Variants in AP3B1 observed in about 807,000 individuals in gnomAD.
AP3B1 encodes AP-3 complex subunit beta-1.
Under a neutral mutation model 132.5 loss-of-function variants are expected in AP3B1, and 61 were observed. The ratio of observed to expected loss-of-function variants is 0.46; its 90% confidence interval spans 0.37 to 0.57. The LOEUF is 0.57. Among genes scored for constraint, AP3B1 ranks in the 20% least tolerant of loss-of-function variants. The pLI, the probability that AP3B1 is intolerant of heterozygous loss-of-function variation, is 0.00. For missense variants in AP3B1, 1,120 were observed against 1,289.4 expected, an observed-to-expected ratio of 0.87 and a Z score of 2.01; for synonymous variants, 388 against 438.3, an observed-to-expected ratio of 0.89 and a Z score of 1.43.
At chr5:78,154,007 T>C (rs1743027021) in intron 14 of AP3B1, among the ~76,000 whole-genome samples, 1 of 152,188 alleles carries the variant, frequency 6.6e-6, no homozygotes, top group Admixed American at 6.5e-5. Flanking sequence ...GTTACAATAT[T>C]CTGCTTTTCT....
At chr5:78,253,286 T>A (rs1747714925) in intron 2 of AP3B1, among the ~76,000 whole-genome samples, 1 of 152,202 alleles carries the variant, frequency 6.6e-6, no homozygotes, top group Non-Finnish European at 1.5e-5. Flanking sequence ...CAGTGAAGAC[T>A]ACAATAAATA....
At chr5:78,043,673 G>A in intron 22 of AP3B1, 6 of 451,274 alleles carry the variant, frequency 1.3e-5, no homozygotes, top group South Asian at 9.4e-5. Context: ...ACCCCCAGCA[G>A]AGACTCCCAG....
chr5:78,012,614 T>C (rs1037802145), intron 26 of AP3B1, among the ~76,000 whole-genome samples: 2 of 152,266 alleles, frequency 1.3e-5, no homozygotes, highest in Non-Finnish European at 2.9e-5. Context: ...CAGGCTATTC[T>C]TAAGTATCTA....
At chr5:78,197,710 T>C (rs377358665) in intron 7 of AP3B1, among the ~76,000 whole-genome samples, 1 of 152,066 alleles carries the variant, frequency 6.6e-6, no homozygotes, top group African/African-American at 2.4e-5. Context: ...TAAGGAATAA[T>C]AGAAAAATAA....
rs1471301912 is a variant in AP3B1 at position 78,039,230 on chromosome 5, A to C, written c.2622T>G (p.Leu874=). The C allele has an allele frequency of 3.1e-6, 5 of 1,614,198 alleles. No homozygotes were observed. Among genetic ancestry groups the C allele is most frequent in the Non-Finnish European group, 3.4e-6 (4 of 1,180,028 alleles). Residue 874 remains leucine, a synonymous_variant, in exon 23 of 27, where the codon CTT becomes CTG. Coordinates refer to ENST00000255194, the MANE Select transcript of AP3B1 (RefSeq NM_003664.5). ...AFVPTKTHVL[L]HRMSGKGLAA... ...CTAGTCCTTTTCCACTCATTCGATGAAGCAGCACGTGAGTTTTCGTTGGTA... is the reference window on the plus strand; with the variant it reads ...CTAGTCCTTTTCCACTCATTCGATGCAGCAGCACGTGAGTTTTCGTTGGTA...
chr5:78,161,711 T>C (rs570134603), intron 13 of AP3B1, among the ~76,000 whole-genome samples: 1 of 152,170 alleles, frequency 6.6e-6, no homozygotes, highest in East Asian at 1.9e-4. Flanking sequence ...GTTTTAATAC[T>C]ACATGTAGAA....
intron 2 of AP3B1, among the ~76,000 whole-genome samples, chr5:78,258,831 G>A (rs1296720806): frequency 6.6e-6 from 1 of 152,076 alleles, no homozygotes; most frequent in Non-Finnish European, 1.5e-5. Flanking sequence ...GAAAATGTGG[G>A]GCAAATACAC....
chr5:78,024,723 C>T (rs917054330), intron 24 of AP3B1, among the ~76,000 whole-genome samples: 3 of 151,878 alleles, frequency 2.0e-5, no homozygotes. Context: ...TGCCACATGC[C>T]GGGCTAATTT....
rs182093616 is a variant in AP3B1 at position 78,081,455 on chromosome 5, C to T, written c.2577+7938G>A. Among the ~76,000 whole-genome samples the T allele has an allele frequency of 4.3e-3, 654 of 151,964 alleles. 9 individuals carry two copies. Among genetic ancestry groups the T allele is most frequent in the African/African-American group, 0.015 (630 of 41,478 alleles). ...CCCGAGTAGCTGGGACTACAGGCGC[C>T]CGCCACTGCGCCCGGCTAATTTTTT... On this transcript the variant is annotated intron_variant, in intron 22 of 26. Transcript: ENST00000255194.
At chr5:78,077,516 G>C (rs1276286967) in intron 22 of AP3B1, among the ~76,000 whole-genome samples, 1 of 152,154 alleles carries the variant, frequency 6.6e-6, no homozygotes, top group African/African-American at 2.4e-5. Context: ...ACAAGTTAAG[G>C]AATCATTACT....
chr5:78,123,447 A>G (rs1357714358), intron 17 of AP3B1, among the ~76,000 whole-genome samples: 2 of 152,152 alleles, frequency 1.3e-5, no homozygotes, highest in Non-Finnish European at 2.9e-5. Flanking sequence ...CAACCTACTC[A>G]TCTGACAAAG....
intron 6 of AP3B1, among the ~76,000 whole-genome samples, chr5:78,216,662 G>A (rs1355653104): frequency 6.6e-6 from 1 of 152,056 alleles, no homozygotes; most frequent in African/African-American, 2.4e-5. Context: ...AAATGAGAAC[G>A]ACAATCATTC....
chr5:78,135,622 A>T (rs1335066327), intron 15 of AP3B1, among the ~76,000 whole-genome samples: 1 of 152,228 alleles, frequency 6.6e-6, no homozygotes, highest in Non-Finnish European at 1.5e-5. Context: ...ATATGTATTT[A>T]TGCTATTATG....
intron 23 of AP3B1, among the ~76,000 whole-genome samples, chr5:78,038,445 T>C (rs1747899930): frequency 6.6e-6 from 1 of 152,176 alleles, no homozygotes; most frequent in Non-Finnish European, 1.5e-5. Flanking sequence ...TAATGATAGC[T>C]GATGAGCTAA....
chr5:78,099,636 C>T (rs1464012823), intron 21 of AP3B1, among the ~76,000 whole-genome samples: 1 of 152,130 alleles, frequency 6.6e-6, no homozygotes, highest in African/African-American at 2.4e-5. Flanking sequence ...GTGGCTCACA[C>T]CTGTAATCCC....
chr5:78,052,823 G>A (rs1748640115), intron 22 of AP3B1, among the ~76,000 whole-genome samples: 1 of 152,082 alleles, frequency 6.6e-6, no homozygotes, highest in Non-Finnish European at 1.5e-5. Context: ...TATATATCAC[G>A]TACGTGGTAA....
In AP3B1 at chr5:78,002,985, C is replaced by T. The variant is rs1418082372; in HGVS notation, c.3202G>A (p.Ala1068Thr). 4 of 1,614,174 alleles carry T rather than the reference C, an allele frequency of 2.5e-6. No homozygotes were observed. The highest frequency in any genetic ancestry group is 3.3e-5 in the Admixed American group (2 of 60,028). The change falls in exon 27 of 27, where the codon GCC (alanine) becomes ACC (threonine). Residue 1068 changes from alanine (A) to threonine (T), a missense_variant. By Grantham distance (58) the Ala-to-Thr change is moderately conservative. Transcript: ENST00000255194. ...TTCTCAGTGTTTATGATAAGCTGGGCTGTAGAGCCTTCCTTCAGTTCCACT... is the reference window on the plus strand; with the variant it reads ...TTCTCAGTGTTTATGATAAGCTGGGTTGTAGAGCCTTCCTTCAGTTCCACT... ...VTVELKEGST[A>T]QLIINTEKTV...
intron 3 of AP3B1, among the ~76,000 whole-genome samples, chr5:78,233,237 C>CTTTT (rs71613940): frequency 7.2e-6 from 1 of 139,308 alleles, no homozygotes; most frequent in Non-Finnish European, 1.5e-5. Flanking sequence ...TTTCTTTTTT[C>CTTTT]TTTTTTTTTT....
At chr5:78,114,263 T>C (rs1338855886) in intron 18 of AP3B1, among the ~76,000 whole-genome samples, 1 of 152,094 alleles carries the variant, frequency 6.6e-6, no homozygotes, top group East Asian at 1.9e-4. Flanking sequence ...TACGTAAGGA[T>C]TGATGTAAGG....
Sources: allele counts gnomAD v4.1 joint callset (sites outside exome capture counted in the v4.1 genomes callset), GRCh38; gene constraint gnomAD v4.1.1; transcripts MANE v1.5; gene names NCBI Gene and HGNC (gene_info 2026-07-23, HGNC 2026-07-21).